TRMT10A: variants seen among roughly 807,000 people sequenced by gnomAD.
TRMT10A encodes the protein tRNA methyltransferase 10 homolog A.
A neutral mutation model predicts 40.4 loss-of-function variants in TRMT10A; 37 were observed. That is an observed-to-expected ratio of 0.92 (90% CI 0.71 to 1.21). TRMT10A has a LOEUF of 1.21. Ranked by LOEUF, TRMT10A falls within the 50% of genes most tolerant of loss-of-function variation. The pLI is 0.00. For synonymous variants in TRMT10A, 103 were observed against 134.1 expected, an observed-to-expected ratio of 0.77 and a Z score of 1.60; for missense variants, 388 against 404.3, an observed-to-expected ratio of 0.96 and a Z score of 0.35.
chr4:99,550,823 T>C (rs1723931783), intron 7 of TRMT10A, 62 bp downstream of exon 7: 1 of 1,175,586 alleles, frequency 8.5e-7, no homozygotes. Flanking sequence ...AAATACTAAA[T>C]GTAATATTCT....
rs1724213489 is a variant in TRMT10A, at chr4:99,557,573, T to C, written c.349-157A>G. 8 of 590,228 alleles carry C rather than the reference T, an allele frequency of 1.4e-5. No homozygotes were observed. In the East Asian group the frequency reaches 1.5e-4, roughly 11 times the overall value. 36.6% of individuals were successfully genotyped at this position (590,228 alleles called of 1,614,324 possible). ...TCTGATAAATGTTATTTGATTTCCT[T>C]ACATACTAGCAAAATTACTGTAAGT... On this transcript the variant is annotated intron_variant, in intron 3 of 7. Coordinates refer to ENST00000394876, the MANE Select transcript of TRMT10A (RefSeq NM_001134665.3).
At chr4:99,556,411 G>T (rs747261819) in intron 4 of TRMT10A, among the ~76,000 whole-genome samples, 191 bp from the exon 5 acceptor site, 1 of 152,136 alleles carries the variant, frequency 6.6e-6, no homozygotes, top group Non-Finnish European at 1.5e-5. Context: ...CGTTTTGTGT[G>T]CATGTTTCAT....
chr4:99,555,955 C>A (rs1375370636), intron 5 of TRMT10A, among the ~76,000 whole-genome samples, 191 bp downstream of exon 5: 5 of 152,122 alleles, frequency 3.3e-5, no homozygotes, highest in Non-Finnish European at 5.9e-5. Context: ...TTAATGAGAA[C>A]AAATACAAGC....
chr4:99,563,334 C>T (rs949940277), intron 1 of TRMT10A: 1 of 152,764 alleles, frequency 6.5e-6, no homozygotes, highest in Non-Finnish European at 1.5e-5. Context: ...AGTAACACTT[C>T]GATCTTTATA....
chr4:99,561,666 C>A (rs1724403690), intron 1 of TRMT10A, among the ~76,000 whole-genome samples: 2 of 152,204 alleles, frequency 1.3e-5, no homozygotes, highest in Admixed American at 1.3e-4. Flanking sequence ...TATATCTACA[C>A]TGCACTATGT....
chr4:99,555,214 A>G (rs1724119448), intron 5 of TRMT10A, among the ~76,000 whole-genome samples: 1 of 152,224 alleles, frequency 6.6e-6, no homozygotes. Flanking sequence ...AGGATTTGGT[A>G]AATATACTGT....
Position 99,549,159 on chromosome 4 carries a change from C to T in TRMT10A, c.949G>A (p.Asp317Asn). The change falls in exon 8 of 8, where the codon GAT becomes AAT. Residue 317 changes from aspartate to asparagine, a missense_variant. Asp to Asn is a conservative substitution (Grantham distance 23). Coordinates refer to ENST00000394876, the MANE Select transcript of TRMT10A (RefSeq NM_001134665.3). ...SEEEYSRNEL[D>N]SPHEEKQDKE... ...TCCTGCTTTTCTTCATGTGGTGAAT[C>T]TAGTTCATTTCTGCTATATTCCTCC... is the stretch of plus-strand genomic sequence containing the variant. 3 of 1,614,068 alleles carry T rather than the reference C, an allele frequency of 1.9e-6. No homozygotes were observed. Among genetic ancestry groups the T allele is most frequent in the African/African-American group, 1.3e-5 (1 of 75,024 alleles).
At chr4:99,551,657 T>C (rs543649230) in intron 6 of TRMT10A, among the ~76,000 whole-genome samples, 2 of 152,058 alleles carry the variant, frequency 1.3e-5, no homozygotes, top group African/African-American at 2.4e-5. Flanking sequence ...AGTGTACTCC[T>C]CCTACTCCTA....
Position 99,558,169 on chromosome 4 carries a change from T to C in TRMT10A, c.228A>G (p.Arg76=). ...KEKRKRKKLE[R]QCQMEPNSDG... ...CTGAGTTTGGTTCCATTTGACATTG[T>C]CGCTCTAATTTTTTCCTCTTGCGTT... Residue 76 remains arginine (R), a synonymous_variant, in exon 3 of 8, where the codon CGA becomes CGG. Transcript: ENST00000394876. 3 of 1,601,542 alleles carry C rather than the reference T, an allele frequency of 1.9e-6. No individual in the cohort carries two copies. Among genetic ancestry groups the C allele is most frequent in the Non-Finnish European group, 2.5e-6 (3 of 1,176,884 alleles).
At chr4:99,549,661 C>T (rs1723887227) in intron 7 of TRMT10A, among the ~76,000 whole-genome samples, 1 of 152,192 alleles carries the variant, frequency 6.6e-6, no homozygotes, top group South Asian at 2.1e-4. Context: ...AGCCCCTTCA[C>T]ATCTTTATCC....
chr4:99,548,862 C>G lies in TRMT10A; in HGVS notation c.*226G>C, dbSNP rs932443240. The G allele has an allele frequency of 7.7e-6, 3 of 392,034 alleles. No homozygotes were observed. The highest frequency in any genetic ancestry group is 1.3e-5 in the Non-Finnish European group (3 of 227,610). The allele number at this position is 392,034 out of a possible 1,614,324, so 24.3% of individuals were successfully genotyped here. ...ACTACTGAGGCTTTAAAAACAAAAA[C>G]AAAAAAAATCACATACACATTTAAA... On this transcript the variant is annotated 3_prime_UTR_variant, in exon 8 of 8. Coordinates refer to ENST00000394876, the MANE Select transcript of TRMT10A (RefSeq NM_001134665.3).
In TRMT10A at chr4:99,554,839, T is replaced by C. The variant is rs1347049312; in HGVS notation, c.496-905A>G. Among the ~76,000 whole-genome samples, 8 of 152,094 alleles carry C rather than the reference T, an allele frequency of 5.3e-5. No homozygotes were observed. In the South Asian group the frequency reaches 1.0e-3, roughly 20 times the overall value. ...ACATTTGAAAACTTCTTCACCAAAA[T>C]TGTCAGGTCACAGGTACAAAATTGA... On this transcript the variant is annotated intron_variant, in intron 5 of 7. Transcript: ENST00000394876.
rs769875629 is a variant in TRMT10A at position 99,549,182 on chromosome 4, T to G, written c.926A>C (p.Glu309Ala). ...ATCTAGTTCATTTCTGCTATATTCC[T>G]CCTCACTGGAATCACTGTCCGATCC... Reference protein sequence around the residue: ...EGGSDSDSSEEEYSRNELDSP... With the variant: ...EGGSDSDSSEAEYSRNELDSP... Residue 309 changes from glutamate (E) to alanine (A), a missense_variant, in exon 8 of 8, where the codon GAG becomes GCG. Transcript: ENST00000394876. 6.2e-7 allele frequency: 1 copy of G among 1,614,098 alleles called. No homozygotes were observed. Among genetic ancestry groups the G allele is most frequent in the Non-Finnish European group, 8.5e-7 (1 of 1,179,978 alleles).
chr4:99,557,284 G>T, intron 4 of TRMT10A, 61 bp downstream of exon 4: 1 of 1,488,834 alleles, frequency 6.7e-7, no homozygotes, highest in Non-Finnish European at 9.3e-7. Context: ...AATTATCTAT[G>T]TCTTTTGCCA....
chr4:99,547,752 TTC>T lies in TRMT10A; in HGVS notation c.*1334_*1335del, dbSNP rs539759713. The T allele has an allele frequency of 7.2e-5, 11 of 151,950 alleles. No individual in the cohort carries two copies. In the South Asian group the frequency reaches 1.0e-3, roughly 14 times the overall value. 9.4% of individuals were successfully genotyped at this position (151,950 alleles called of 1,614,324 possible). The stretch of plus-strand genomic sequence containing the variant: ...ATATCAGTACTAAATCCAATAAACT[TTC>T]TGTTGTGTATATATATGTTAGTATG... On this transcript the variant is annotated 3_prime_UTR_variant, in exon 8 of 8. Transcript: ENST00000394876.
At chr4:99,561,299 T>G (rs1011710354) in intron 1 of TRMT10A, among the ~76,000 whole-genome samples, 4 of 152,054 alleles carry the variant, frequency 2.6e-5, no homozygotes, top group African/African-American at 7.2e-5. Context: ...ATGTAATGTT[T>G]TACAGGTCAT....
At chr4:99,551,722 T>C (rs1311782870) in intron 6 of TRMT10A, among the ~76,000 whole-genome samples, 2 of 151,922 alleles carry the variant, frequency 1.3e-5, no homozygotes, top group African/African-American at 4.8e-5. Context: ...CTTCAGGAGA[T>C]ATTCCAGAAG....
chr4:99,558,882 G>C (rs1724269622), intron 2 of TRMT10A, among the ~76,000 whole-genome samples: 1 of 152,066 alleles, frequency 6.6e-6, no homozygotes, highest in African/African-American at 2.4e-5. Context: ...TTCTGCATTA[G>C]AAAAAGTGTT....
intron 6 of TRMT10A, 62 bp from the exon 7 acceptor site, chr4:99,551,052 T>C: frequency 8.5e-7 from 1 of 1,178,698 alleles, no homozygotes; most frequent in Middle Eastern, 2.8e-4. Context: ...TCTGTAATAG[T>C]ATAAATAATT....
Sources: gnomAD v4.1 joint callset for allele counts (sites outside exome capture counted in the v4.1 genomes callset) on GRCh38, gnomAD v4.1.1 for gene constraint, MANE v1.5 for transcripts, NCBI Gene and HGNC (gene_info 2026-07-23, HGNC 2026-07-21) for gene names.